The following PRKCA variants were observed in gnomAD, a reference collection of about 807,000 sequenced individuals.
PRKCA encodes the protein protein kinase C alpha.
In PRKCA, 27 loss-of-function variants were observed where a neutral mutation model predicts 87.0. The ratio of observed to expected loss-of-function variants is 0.31; its 90% CI spans 0.23 to 0.43. The LOEUF (loss-of-function observed/expected upper bound fraction) is 0.43, where lower values mean the gene tolerates loss of function less well. Among genes scored for constraint, PRKCA ranks in the 20% least tolerant of loss-of-function variants. The pLI, the probability that PRKCA is intolerant of heterozygous loss-of-function variation, is 1.00. For missense variants in PRKCA, 518 were observed against 852.3 expected, an observed-to-expected ratio of 0.61 and a Z score of 4.88; for synonymous variants, 329 against 311.1, an observed-to-expected ratio of 1.06 and a Z score of -0.61.
intron 8 of PRKCA, among the ~76,000 whole-genome samples, chr17:66,712,968 A>T (rs1973369510): frequency 6.6e-6 from 1 of 151,294 alleles, no homozygotes; most frequent in African/African-American, 2.4e-5. Flanking sequence ...TGAATTACAG[A>T]GTTTTCCCTA....
intron 14 of PRKCA, among the ~76,000 whole-genome samples, chr17:66,779,402 G>A (rs933125569): frequency 2.0e-5 from 3 of 151,900 alleles, no homozygotes; most frequent in African/African-American, 4.8e-5. Flanking sequence ...AGCACCTTGT[G>A]CCTGCAAGTG....
chr17:66,725,915 A>G (rs1973736075), intron 8 of PRKCA, among the ~76,000 whole-genome samples: 1 of 152,064 alleles, frequency 6.6e-6, no homozygotes, highest in African/African-American at 2.4e-5. Flanking sequence ...CCCAGGAGAC[A>G]TGGGTGGGGA....
intron 5 of PRKCA, among the ~76,000 whole-genome samples, chr17:66,661,175 C>G (rs1391301457): frequency 6.6e-6 from 1 of 152,162 alleles, no homozygotes; most frequent in Non-Finnish European, 1.5e-5. Flanking sequence ...AGCTTCGCCT[C>G]TTGCAGCTGC....
intron 3 of PRKCA, among the ~76,000 whole-genome samples, chr17:66,569,969 C>A (rs1244508162): frequency 6.6e-6 from 1 of 152,184 alleles, no homozygotes; most frequent in African/African-American, 2.4e-5. Flanking sequence ...AAGTATTATT[C>A]ATAATTGCCT....
At chr17:66,527,497 T>G (rs1598742468) in intron 3 of PRKCA, among the ~76,000 whole-genome samples, 1 of 152,210 alleles carries the variant, frequency 6.6e-6, no homozygotes, top group South Asian at 2.1e-4. Context: ...GACAATAGGG[T>G]GATTATTTCT....
chr17:66,791,157 G>A (rs1447313259), intron 16 of PRKCA, among the ~76,000 whole-genome samples: 1 of 118,104 alleles, frequency 8.5e-6, no homozygotes, highest in Non-Finnish European at 1.7e-5. Context: ...CCTCCCTTTT[G>A]TTTGTTTTTT....
intron 2 of PRKCA, among the ~76,000 whole-genome samples, chr17:66,406,924 G>A (rs1471460168): frequency 6.6e-6 from 1 of 152,006 alleles, no homozygotes; most frequent in Non-Finnish European, 1.5e-5. Context: ...ATCTGTAGAG[G>A]ACACTTCCTT....
At chr17:66,380,489 T>G (rs1178448317) in intron 2 of PRKCA, among the ~76,000 whole-genome samples, 1 of 152,228 alleles carries the variant, frequency 6.6e-6, no homozygotes, top group Admixed American at 6.5e-5. Context: ...ATAAACTGCT[T>G]ACTGTTATTA....
At chr17:66,548,596 T>A (rs529973225) in intron 3 of PRKCA, among the ~76,000 whole-genome samples, 44 of 152,144 alleles carry the variant, frequency 2.9e-4, no homozygotes, top group African/African-American at 1.0e-3. Context: ...CATATCTGTA[T>A]CCCAATCCCT....
At chr17:66,760,826 A>G (rs970741188) in intron 13 of PRKCA, among the ~76,000 whole-genome samples, 1 of 152,196 alleles carries the variant, frequency 6.6e-6, no homozygotes, top group African/African-American at 2.4e-5. Context: ...TCCAACATGT[A>G]TAGTAGGAAT....
At position 66,640,543 on chromosome 17, in the gene PRKCA, G is replaced by C. The variant is rs527314481; in HGVS notation, c.289-812G>C. Among the ~76,000 whole-genome samples, 10 of 152,310 alleles carry C rather than the reference G, an allele frequency of 6.6e-5. No homozygotes were observed. In the South Asian group the frequency reaches 2.1e-3, roughly 32 times the overall value. On this transcript the variant is annotated intron_variant, in intron 3 of 16. Transcript: ENST00000413366. ...AAAATACTTTGGAGATGGTGCAGAA[G>C]CAGGAAAATGTACCTGTCAGTTTGG... is the stretch of plus-strand genomic sequence containing the variant.
intron 13 of PRKCA, among the ~76,000 whole-genome samples, chr17:66,751,271 G>T (rs1255745448): frequency 6.6e-6 from 1 of 152,206 alleles, no homozygotes; most frequent in Non-Finnish European, 1.5e-5. Context: ...TAAGGTAAGT[G>T]GTATTATTCA....
rs923344732 is a variant in PRKCA at position 66,489,526 on chromosome 17, C to T, written c.206-6675C>T. Among the ~76,000 whole-genome samples, 3 of 151,672 alleles carry T rather than the reference C, an allele frequency of 2.0e-5. 1 individual carries two copies. The South Asian group carries it at 6.2e-4, about 31-fold the overall frequency. ...GCCAAGCCTGCAGCCTGAGGGGCCT[C>T]ACTTCCACCATCATTATTGACAACT... On this transcript the variant is annotated intron_variant, in intron 2 of 16. Coordinates refer to ENST00000413366, the MANE Select transcript of PRKCA (RefSeq NM_002737.3).
At chr17:66,339,585 G>T (rs1358718363) in intron 2 of PRKCA, among the ~76,000 whole-genome samples, 1 of 152,102 alleles carries the variant, frequency 6.6e-6, no homozygotes, top group Non-Finnish European at 1.5e-5. Context: ...GTTCATTTTA[G>T]ATCCTTAATA....
At chr17:66,737,319 C>T (rs530499667) in intron 10 of PRKCA, among the ~76,000 whole-genome samples, 12 of 152,034 alleles carry the variant, frequency 7.9e-5, no homozygotes, top group African/African-American at 2.7e-4. Context: ...GCCGAGATGG[C>T]GCCACTGCAC....
At chr17:66,369,931 C>G (rs76105645) in intron 2 of PRKCA, among the ~76,000 whole-genome samples, 10,440 of 152,286 alleles carry the variant, frequency 0.069, 442 homozygotes, top group East Asian at 0.13. Flanking sequence ...TTTGGTACTG[C>G]CAAGCACTGC....
chr17:66,524,458 A>G (rs560795577), intron 3 of PRKCA, among the ~76,000 whole-genome samples: 1 of 152,302 alleles, frequency 6.6e-6, no homozygotes, highest in African/African-American at 2.4e-5. Context: ...CTCTAATTTT[A>G]AATACGGGTA....
intron 2 of PRKCA, among the ~76,000 whole-genome samples, chr17:66,424,217 G>A (rs924750130): frequency 1.3e-5 from 2 of 152,028 alleles, no homozygotes; most frequent in African/African-American, 4.8e-5. Flanking sequence ...GCATGATGAT[G>A]GTTTTCTTTG....
At position 66,711,358 on chromosome 17, in the gene PRKCA, A is replaced by G. The variant is rs536696069; in HGVS notation, c.919-21330A>G. On this transcript the variant is annotated intron_variant, in intron 8 of 16. Coordinates refer to ENST00000413366, the MANE Select transcript of PRKCA (RefSeq NM_002737.3). ...AATATATCATAGGCTGAAATCCTGT[A>G]ATTGTTCTGATGTTCTTAATGCCTG... Among the ~76,000 whole-genome samples, 45 of 152,318 alleles carry G rather than the reference A, an allele frequency of 3.0e-4. 1 individual carries two copies. The South Asian group carries it at 9.1e-3, about 31-fold the overall frequency.
Sources: allele counts gnomAD v4.1 joint callset (sites outside exome capture counted in the v4.1 genomes callset), GRCh38; gene constraint gnomAD v4.1.1; transcripts MANE v1.5; gene names NCBI Gene and HGNC (gene_info 2026-07-23, HGNC 2026-07-21).